The following NTM variants were observed in gnomAD, a reference collection of about 807,000 sequenced individuals.
NTM encodes the protein neurotrimin, also known as IgLON family member 2.
A neutral mutation model predicts 42.1 loss-of-function variants in NTM; 13 were observed. The ratio of observed to expected loss-of-function variants is 0.31; its 90% CI spans 0.20 to 0.49. The LOEUF is 0.49. Among genes scored for constraint, NTM ranks in the 20% least tolerant of loss-of-function variants. The pLI is 0.99. For synonymous variants in NTM, 187 were observed against 179.2 expected, an observed-to-expected ratio of 1.04 and a Z score of -0.35; for missense variants, 373 against 452.8, an observed-to-expected ratio of 0.82 and a Z score of 1.60.
intron 3 of NTM, among the ~76,000 whole-genome samples, chr11:132,171,439 C>A (rs1213334950): frequency 6.6e-6 from 1 of 152,162 alleles, no homozygotes; most frequent in South Asian, 2.1e-4. Context: ...GATGACGACA[C>A]CTTTTTGTTG....
chr11:131,955,573 A>G (rs2061468909), intron 2 of NTM, among the ~76,000 whole-genome samples: 1 of 152,236 alleles, frequency 6.6e-6, no homozygotes, highest in African/African-American at 2.4e-5. Flanking sequence ...AAGGTAAAAC[A>G]TCAAAAGATA....
chr11:132,217,229 A>G (rs981725121), intron 4 of NTM, among the ~76,000 whole-genome samples: 1 of 152,196 alleles, frequency 6.6e-6, no homozygotes, highest in Admixed American at 6.5e-5. Context: ...TCAACTGTAT[A>G]TGAAAATTTG....
chr11:131,738,407 G>T (rs1328812675), intron 1 of NTM, among the ~76,000 whole-genome samples: 2 of 152,246 alleles, frequency 1.3e-5, no homozygotes, highest in East Asian at 3.9e-4. Flanking sequence ...CATTACCTTT[G>T]TGCCCAGCAG....
chr11:132,294,307 C>T (rs978460911), intron 4 of NTM, among the ~76,000 whole-genome samples: 1 of 152,024 alleles, frequency 6.6e-6, no homozygotes, highest in African/African-American at 2.4e-5. Context: ...TCCCCTCATT[C>T]CTTCATCCCA....
chr11:132,178,266 A>C (rs1258438462), intron 3 of NTM, among the ~76,000 whole-genome samples: 1 of 152,176 alleles, frequency 6.6e-6, no homozygotes, highest in African/African-American at 2.4e-5. Flanking sequence ...AAGAGAAGGA[A>C]AGATAAACTT....
At chr11:132,218,994 C>A (rs1202654136) in intron 4 of NTM, among the ~76,000 whole-genome samples, 1 of 152,136 alleles carries the variant, frequency 6.6e-6, no homozygotes, top group Non-Finnish European at 1.5e-5. Context: ...TTATTAATTT[C>A]ATTCTTGCTT....
intron 7 of NTM, among the ~76,000 whole-genome samples, chr11:132,316,543 G>A (rs1446312356): frequency 6.6e-6 from 1 of 152,186 alleles, no homozygotes; most frequent in African/African-American, 2.4e-5. Context: ...ACCAAGATGA[G>A]TGGGGTACAT....
chr11:131,632,673 C>CATTTTT (rs1555058399), intron 1 of NTM, among the ~76,000 whole-genome samples: 1 of 83,060 alleles, frequency 1.2e-5, no homozygotes, highest in Non-Finnish European at 2.1e-5. Flanking sequence ...GCTCGGGCAG[C>CATTTTT]TTTTTTTTTT....
intron 1 of NTM, among the ~76,000 whole-genome samples, chr11:131,592,775 C>A (rs957345236): frequency 3.9e-5 from 6 of 152,064 alleles, no homozygotes; most frequent in African/African-American, 1.4e-4. Context: ...TCCTTGCCAG[C>A]CCTGGCCTGC....
chr11:131,547,078 A>C (rs1215853021), intron 1 of NTM, among the ~76,000 whole-genome samples: 1 of 151,860 alleles, frequency 6.6e-6, no homozygotes, highest in South Asian at 2.1e-4. Context: ...ATCCATGCAC[A>C]TATGTGACTT....
At chr11:132,076,171 C>T (rs1385542687) in intron 2 of NTM, among the ~76,000 whole-genome samples, 1 of 152,090 alleles carries the variant, frequency 6.6e-6, no homozygotes, top group African/African-American at 2.4e-5. Flanking sequence ...TAATCTATAG[C>T]TTCTACTTGA....
chr11:132,186,877 TC>T (rs2078483926), intron 3 of NTM, among the ~76,000 whole-genome samples: 1 of 152,202 alleles, frequency 6.6e-6, no homozygotes, highest in African/African-American at 2.4e-5. Context: ...CCTGTGGGGA[TC>T]CGGATGATTT....
At chr11:131,660,452 C>T in intron 1 of NTM, 1 of 456,854 alleles carries the variant, frequency 2.2e-6, no homozygotes, top group Non-Finnish European at 4.4e-6. Context: ...CAGAAGCCAC[C>T]AGGTGGAAAA....
intron 1 of NTM, among the ~76,000 whole-genome samples, chr11:131,592,734 A>G (rs2059488425): frequency 1.3e-5 from 2 of 148,412 alleles, no homozygotes; most frequent in African/African-American, 2.5e-5. Context: ...CTCCTTCCCC[A>G]CCACTGCTTG....
At chr11:131,519,833 C>T (rs12421143) in intron 1 of NTM, among the ~76,000 whole-genome samples, 1,523 of 108,604 alleles carry the variant, frequency 0.014, 8 homozygotes, top group Middle Eastern at 0.067. Flanking sequence ...GGTTAGCACC[C>T]GAGAGGTGAA....
intron 1 of NTM, among the ~76,000 whole-genome samples, chr11:131,616,052 A>G (rs180965083): frequency 3.3e-5 from 5 of 152,342 alleles, no homozygotes; most frequent in African/African-American, 2.4e-5. Context: ...GAGAATCCTC[A>G]GGACACGCTA....
chr11:131,948,779 A>G (rs962846980), intron 2 of NTM, among the ~76,000 whole-genome samples: 2 of 152,182 alleles, frequency 1.3e-5, no homozygotes, highest in Admixed American at 1.3e-4. Flanking sequence ...TTAGCACTCA[A>G]TGCCCTGAGA....
intron 1 of NTM, among the ~76,000 whole-genome samples, chr11:131,754,633 A>AG (rs2083077881): frequency 6.6e-6 from 1 of 151,816 alleles, no homozygotes; most frequent in Admixed American, 6.6e-5. Context: ...TCCAAAAAAA[A>AG]AAAAATGCTA....
At chr11:132,093,914 A>G (rs1335746044) in intron 2 of NTM, among the ~76,000 whole-genome samples, 2 of 152,224 alleles carry the variant, frequency 1.3e-5, no homozygotes, top group African/African-American at 4.8e-5. Context: ...CAAAGAGCCA[A>G]TTAAATCCGG....
Sources: allele counts gnomAD v4.1 joint callset (sites outside exome capture counted in the v4.1 genomes callset), GRCh38; gene constraint gnomAD v4.1.1; transcripts MANE v1.5; gene names NCBI Gene and HGNC (gene_info 2026-07-23, HGNC 2026-07-21).